Variants in CCSER1 observed in about 807,000 individuals in gnomAD.
CCSER1 encodes serine-rich coiled-coil domain-containing protein 1.
A neutral mutation model predicts 82.0 loss-of-function variants in CCSER1; 41 were observed. The observed-to-expected ratio is 0.50, with a 90% CI of 0.39 to 0.65. The LOEUF (loss-of-function observed/expected upper bound fraction) is 0.65. CCSER1 is among the 30% of genes least tolerant of loss of function. The probability of loss-of-function intolerance (pLI) is 0.00; values close to 1 mark genes in which losing one functional copy is unlikely to be tolerated. For missense variants in CCSER1, 1,119 were observed against 1,064.2 expected, an observed-to-expected ratio of 1.05 and a Z score of -0.72; for synonymous variants, 414 against 383.9, an observed-to-expected ratio of 1.08 and a Z score of -0.92.
chr4:91,537,009 G>C (rs1032252297), intron 10 of CCSER1, among the ~76,000 whole-genome samples: 1 of 151,926 alleles, frequency 6.6e-6, no homozygotes, highest in Non-Finnish European at 1.5e-5. Context: ...TCTACCTTTT[G>C]TGATGTCTCC....
intron 5 of CCSER1, among the ~76,000 whole-genome samples, chr4:90,579,017 A>T (rs1239554062): frequency 6.6e-6 from 1 of 151,158 alleles, no homozygotes; most frequent in Non-Finnish European, 1.5e-5. Flanking sequence ...GTTGTCTATT[A>T]AAAAAAGCTT....
rs574068556 is a variant in CCSER1 at position 91,221,008 on chromosome 4, T to C, written c.2217+135014T>C. Among the ~76,000 whole-genome samples the C allele has an allele frequency of 3.3e-5, 5 of 152,270 alleles. No homozygotes were observed. The South Asian group carries it at 1.0e-3, about 32-fold the overall frequency. On this transcript the variant is annotated intron_variant, in intron 10 of 10. Coordinates refer to ENST00000509176, the MANE Select transcript of CCSER1 (RefSeq NM_001145065.2). ...TTCAATACAGATATATTAATTTAGT[T>C]AAATAAACTAAAATCTCTAGGGATT... is the stretch of plus-strand genomic sequence containing the variant.
intron 5 of CCSER1, among the ~76,000 whole-genome samples, chr4:90,627,757 G>A (rs182112965): frequency 6.6e-6 from 1 of 152,114 alleles, no homozygotes; most frequent in Non-Finnish European, 1.5e-5. Flanking sequence ...AAGGCAGGCG[G>A]ATCACGAGGT....
chr4:90,297,086 T>C (rs1313784173), intron 1 of CCSER1, among the ~76,000 whole-genome samples: 2 of 152,126 alleles, frequency 1.3e-5, no homozygotes, highest in Admixed American at 6.6e-5. Context: ...CCTTGGGCAG[T>C]ATGGCCATTT....
chr4:91,594,410 CACATATATAT>C (rs1462006250), intron 10 of CCSER1, among the ~76,000 whole-genome samples: 5 of 119,108 alleles, frequency 4.2e-5, no homozygotes, highest in Middle Eastern at 5.1e-3. Flanking sequence ...CACATATATA[CACATATATAT>C]ACATATATAC....
At chr4:91,431,582 C>G (rs1343511913) in intron 10 of CCSER1, among the ~76,000 whole-genome samples, 1 of 152,042 alleles carries the variant, frequency 6.6e-6, no homozygotes, top group African/African-American at 2.4e-5. Context: ...ATTCTCCTGC[C>G]TCAGCCTCCC....
chr4:91,546,346 T>A (rs1761888052), intron 10 of CCSER1, among the ~76,000 whole-genome samples: 2 of 152,238 alleles, frequency 1.3e-5, no homozygotes, highest in South Asian at 4.1e-4. Flanking sequence ...TTGGTATAAT[T>A]TCTACCTTAG....
At chr4:90,508,201 G>A (rs1770977184) in intron 5 of CCSER1, among the ~76,000 whole-genome samples, 1 of 151,998 alleles carries the variant, frequency 6.6e-6, no homozygotes, top group African/African-American at 2.4e-5. Flanking sequence ...CAGAAAAGCA[G>A]TTACGTTGGG....
intron 6 of CCSER1, among the ~76,000 whole-genome samples, chr4:90,687,057 C>A (rs796662993): frequency 3.9e-5 from 6 of 152,212 alleles, no homozygotes; most frequent in African/African-American, 1.4e-4. Flanking sequence ...GGACTGGTAG[C>A]AAAATACCTT....
chr4:91,178,128 A>T (rs113959567), intron 10 of CCSER1, among the ~76,000 whole-genome samples: 17,052 of 152,108 alleles, frequency 0.11, 1,096 homozygotes, highest in East Asian at 0.24. Context: ...GTTTTGAGTG[A>T]GTTTCTTAAT....
At chr4:90,769,767 G>A (rs1751796680) in intron 7 of CCSER1, among the ~76,000 whole-genome samples, 1 of 152,116 alleles carries the variant, frequency 6.6e-6, no homozygotes, top group Non-Finnish European at 1.5e-5. Flanking sequence ...TATTTAATTT[G>A]AGTAGGTACT....
At chr4:91,036,891 C>T (rs754881476) in intron 9 of CCSER1, among the ~76,000 whole-genome samples, 3 of 151,856 alleles carry the variant, frequency 2.0e-5, no homozygotes, top group Non-Finnish European at 4.4e-5. Flanking sequence ...CCAGTCTGGC[C>T]AACATGGTGA....
intron 9 of CCSER1, among the ~76,000 whole-genome samples, chr4:91,036,783 A>C (rs7661806): frequency 0.042 from 6,416 of 152,292 alleles, 177 homozygotes; most frequent in Middle Eastern, 0.065. Context: ...AGGGTGAACT[A>C]TAGTGGGAAA....
rs770013398 is a variant in CCSER1, at chr4:91,411,491, CATATAT to C, written c.2218-187051_2218-187046del. ...TAATCACTAAATTTCTGCATATATA[CATATAT>C]ATATATATATATATATATATATATA... On this transcript the variant is annotated intron_variant, in intron 10 of 10. Coordinates refer to ENST00000509176, the MANE Select transcript of CCSER1 (RefSeq NM_001145065.2). 5.7e-3 allele frequency among the ~76,000 whole-genome samples: 308 copies of C among 53,790 alleles called. 15 individuals carry two copies. Among genetic ancestry groups the C allele is most frequent in the Middle Eastern group, 0.02 (2 of 100 alleles). 35.3% of individuals were successfully genotyped at this position (53,790 alleles called of 152,430 possible). A position where few individuals can be genotyped will look rare whatever the true frequency, so the allele number is the denominator to read the frequency against.
chr4:91,095,621 A>G (rs779537605), intron 10 of CCSER1, among the ~76,000 whole-genome samples: 5 of 152,120 alleles, frequency 3.3e-5, no homozygotes, highest in Non-Finnish European at 7.3e-5. Flanking sequence ...TCATATGCTG[A>G]TTTTCAGGAC....
intron 10 of CCSER1, among the ~76,000 whole-genome samples, chr4:91,147,719 A>G (rs1237544521): frequency 6.6e-6 from 1 of 152,198 alleles, no homozygotes; most frequent in Non-Finnish European, 1.5e-5. Flanking sequence ...GCAAAACTCT[A>G]TTTTAATTGT....
At chr4:90,468,071 G>A (rs930531792) in intron 4 of CCSER1, among the ~76,000 whole-genome samples, 163 bp from the exon 5 acceptor site, 3 of 152,156 alleles carry the variant, frequency 2.0e-5, no homozygotes, top group African/African-American at 7.2e-5. Context: ...TAGCTAGTGA[G>A]TGAAAAGACT....
intron 9 of CCSER1, among the ~76,000 whole-genome samples, chr4:91,010,485 C>T (rs1299808051): frequency 1.2e-5 from 1 of 85,078 alleles, no homozygotes; most frequent in African/African-American, 2.9e-5. Context: ...CTAGCAATTA[C>T]AGCATTAACT....
intron 9 of CCSER1, among the ~76,000 whole-genome samples, chr4:91,036,229 C>T (rs1440264030): frequency 6.6e-6 from 1 of 152,244 alleles, no homozygotes; most frequent in East Asian, 1.9e-4. Context: ...AAACATTGTT[C>T]ATAACAAACT....
Sources: allele counts gnomAD v4.1 joint callset (sites outside exome capture counted in the v4.1 genomes callset), GRCh38; gene constraint gnomAD v4.1.1; transcripts MANE v1.5; gene names NCBI Gene and HGNC (gene_info 2026-07-23, HGNC 2026-07-21).